The following GRID2 variants were observed in gnomAD, a reference collection of about 807,000 sequenced individuals.
GRID2 encodes glutamate ionotropic receptor delta type subunit 2.
Under a neutral mutation model 114.8 loss-of-function variants are expected in GRID2, and 33 were observed. The ratio of observed to expected loss-of-function variants is 0.29; its 90% confidence interval spans 0.22 to 0.38. GRID2 has a LOEUF of 0.38. Ranked by LOEUF, GRID2 falls within the 10% of genes least tolerant of loss-of-function variation. GRID2 has a pLI of 1.00. For synonymous variants in GRID2, 505 were observed against 449.9 expected (o/e 1.12, Z -1.55); for missense variants, 1,184 against 1,257.7 (o/e 0.94, Z 0.89).
intron 2 of GRID2, among the ~76,000 whole-genome samples, chr4:93,074,944 C>A (rs899132866): frequency 1.3e-5 from 2 of 152,204 alleles, no homozygotes; most frequent in Admixed American, 6.5e-5. Context: ...CCTGAATATG[C>A]CTGTATATGT....
At chr4:93,137,408 C>T (rs536151430) in intron 4 of GRID2, among the ~76,000 whole-genome samples, 15 of 152,154 alleles carry the variant, frequency 9.9e-5, no homozygotes, top group African/African-American at 2.6e-4. Context: ...CCATTTTATA[C>T]GACTGCTGCT....
intron 2 of GRID2, among the ~76,000 whole-genome samples, chr4:93,017,140 ATT>A (rs1330813368): frequency 6.6e-6 from 1 of 152,170 alleles, no homozygotes; most frequent in Non-Finnish European, 1.5e-5. Context: ...CAAAGGTAAT[ATT>A]TTGTTTCCCA....
chr4:93,524,426 A>G (rs1290044563), intron 13 of GRID2, among the ~76,000 whole-genome samples: 2 of 152,066 alleles, frequency 1.3e-5, no homozygotes, highest in Non-Finnish European at 2.9e-5. Flanking sequence ...AAAGAAGAGA[A>G]CTGCACAGTG....
At chr4:93,645,681 G>A (rs1279641342) in intron 14 of GRID2, among the ~76,000 whole-genome samples, 1 of 151,948 alleles carries the variant, frequency 6.6e-6, no homozygotes, top group Non-Finnish European at 1.5e-5. Context: ...AATACATTTT[G>A]TGGACCTCAC....
intron 13 of GRID2, among the ~76,000 whole-genome samples, chr4:93,578,588 T>C (rs1420921629): frequency 5.0e-5 from 3 of 60,376 alleles, no homozygotes; most frequent in African/African-American, 9.9e-5. Flanking sequence ...GTTTTTTGTA[T>C]TTTTTTTTTT....
At position 92,905,459 on chromosome 4, in the gene GRID2, A is replaced by G. The variant is rs529885659; in HGVS notation, c.245-179536A>G. Among the ~76,000 whole-genome samples the G allele has an allele frequency of 1.0e-3, 155 of 152,184 alleles. 1 individual carries two copies. Among genetic ancestry groups the G allele is most frequent in the African/African-American group, 3.6e-3 (151 of 41,546 alleles). ...AACTACATTGTTTAAAAATTTACAA[A>G]TGCATAGGAGATCTGTAAACATTAA... On this transcript the variant is annotated intron_variant, in intron 2 of 15. Transcript: ENST00000282020.
At chr4:93,249,064 A>G (rs1748526366) in intron 8 of GRID2, among the ~76,000 whole-genome samples, 1 of 152,078 alleles carries the variant, frequency 6.6e-6, no homozygotes, top group Non-Finnish European at 1.5e-5. Context: ...CCATTTTAAG[A>G]ATTCTGCTTT....
rs540373890 is a variant in GRID2, at chr4:93,008,162, A to C, written c.245-76833A>C. ...GGACTAAGAGCTTTGTAAAATCTTA[A>C]CTTTCTCTCAAAGAGCTGATGGTAC... On this transcript the variant is annotated intron_variant, in intron 2 of 15. Coordinates refer to ENST00000282020, the MANE Select transcript of GRID2 (RefSeq NM_001510.4). Among the ~76,000 whole-genome samples the C allele has an allele frequency of 1.4e-3, 210 of 152,218 alleles. 1 individual carries two copies. Among genetic ancestry groups the C allele is most frequent in the African/African-American group, 4.9e-3 (202 of 41,544 alleles).
intron 2 of GRID2, among the ~76,000 whole-genome samples, chr4:93,058,015 A>G (rs190182922): frequency 8.5e-4 from 127 of 148,698 alleles, no homozygotes; most frequent in African/African-American, 3.0e-3. Context: ...TTTTCATTGT[A>G]TATGTTATAC....
At chr4:92,948,687 G>A (rs1035547693) in intron 2 of GRID2, among the ~76,000 whole-genome samples, 3 of 151,920 alleles carry the variant, frequency 2.0e-5, no homozygotes, top group African/African-American at 7.2e-5. Flanking sequence ...TTAGGGAATG[G>A]AACTCATTAT....
chr4:93,659,690 A>G (rs1168896464), intron 14 of GRID2, among the ~76,000 whole-genome samples: 1 of 152,190 alleles, frequency 6.6e-6, no homozygotes, highest in Non-Finnish European at 1.5e-5. Context: ...ATGAAAGTTT[A>G]ATAGGCAGAT....
chr4:92,460,032 C>CTATTTATATATATATATA (rs1553937269), intron 1 of GRID2, among the ~76,000 whole-genome samples: 1 of 48,442 alleles, frequency 2.1e-5, no homozygotes, highest in East Asian at 1.9e-3. Context: ...ATAAATCTCA[C>CTATTTATATATATATATA]TATATATATA....
chr4:92,595,217 C>CT (rs1171887479), intron 2 of GRID2, among the ~76,000 whole-genome samples: 1 of 151,806 alleles, frequency 6.6e-6, no homozygotes, highest in Non-Finnish European at 1.5e-5. Flanking sequence ...AACTATAATA[C>CT]TTTTTTATGT....
chr4:92,442,884 G>A (rs187612750), intron 1 of GRID2, among the ~76,000 whole-genome samples: 1 of 152,146 alleles, frequency 6.6e-6, no homozygotes, highest in African/African-American at 2.4e-5. Context: ...TTGGGCAGGA[G>A]GGGGAGGGCT....
At chr4:92,765,829 G>T (rs1269823824) in intron 2 of GRID2, among the ~76,000 whole-genome samples, 1 of 152,182 alleles carries the variant, frequency 6.6e-6, no homozygotes, top group Non-Finnish European at 1.5e-5. Flanking sequence ...ATCACTTGTA[G>T]TGGAAACTCA....
intron 1 of GRID2, among the ~76,000 whole-genome samples, chr4:92,457,162 C>G (rs1321773559): frequency 6.6e-6 from 1 of 152,048 alleles, no homozygotes; most frequent in East Asian, 1.9e-4. Context: ...TCTATTTTTA[C>G]TATCCTCTAT....
At chr4:92,314,732 T>G (rs946710690) in intron 1 of GRID2, among the ~76,000 whole-genome samples, 3 of 152,168 alleles carry the variant, frequency 2.0e-5, no homozygotes, top group Admixed American at 6.5e-5. Flanking sequence ...AATGTTTACA[T>G]TTAGTACTAT....
rs772998962 is a variant in GRID2 at position 93,455,744 on chromosome 4, A to G, written c.1628A>G (p.Tyr543Cys). ...VVDFTTRYMD[Y>C]SVGVLLRRAE... ...GACTTTACGACACGTTACATGGACT[A>G]CTCAGTGGGGGTACTACTTCGAAGG... The change falls in exon 11 of 16, where the codon TAC becomes TGC. Residue 543 changes from tyrosine to cysteine, a missense_variant. This residue lies in a region of GRID2 where 717 missense variants were observed against 796.9 expected (regional missense o/e 0.90). Coordinates refer to ENST00000282020, the MANE Select transcript of GRID2 (RefSeq NM_001510.4). 3 of 1,611,188 alleles carry G rather than the reference A, an allele frequency of 1.9e-6. 1 individual carries two copies. In the South Asian group the frequency reaches 3.3e-5, roughly 18 times the overall value.
chr4:92,575,845 C>T (rs1206632811), intron 1 of GRID2, among the ~76,000 whole-genome samples: 1 of 152,330 alleles, frequency 6.6e-6, no homozygotes, highest in East Asian at 1.9e-4. Flanking sequence ...TCCAGACACT[C>T]CCTCCCAGAG....
Sources: allele counts gnomAD v4.1 joint callset (sites outside exome capture counted in the v4.1 genomes callset), GRCh38; gene constraint gnomAD v4.1.1; regional missense constraint gnomAD v4.1.1; transcripts MANE v1.5; gene names NCBI Gene and HGNC (gene_info 2026-07-23, HGNC 2026-07-21).